The following WWC2 variants were observed in gnomAD, a reference collection of about 807,000 sequenced individuals.
The protein encoded by WWC2 is WW and C2 domain containing 2, also known as protein WWC2.
A neutral mutation model predicts 138.5 loss-of-function variants in WWC2; 101 were observed. That is an observed-to-expected ratio of 0.73 (90% CI 0.62 to 0.86). The LOEUF (loss-of-function observed/expected upper bound fraction) is 0.86. Among genes scored for constraint, WWC2 ranks in the 40% least tolerant of loss-of-function variants. The pLI is 0.00. For synonymous variants in WWC2, 558 were observed against 538.4 expected, an observed-to-expected ratio of 1.04 and a Z score of -0.50; for missense variants, 1,420 against 1,419.4, an observed-to-expected ratio of 1.00 and a Z score of -0.01.
intron 16 of WWC2, among the ~76,000 whole-genome samples, chr4:183,278,636 T>G (rs1369342743): frequency 1.3e-5 from 2 of 152,122 alleles, no homozygotes; most frequent in Non-Finnish European, 2.9e-5. Flanking sequence ...CATTTGTTTG[T>G]ATCCTCTTTT....
intron 1 of WWC2, among the ~76,000 whole-genome samples, chr4:183,162,190 T>C (rs1279441580): frequency 1.5e-3 from 6 of 4,036 alleles, no homozygotes; most frequent in African/African-American, 1.7e-3. Context: ...ACTACCCGAT[T>C]AGTTTTTTTT....
Position 183,282,812 on chromosome 4 carries a change from C to T in WWC2, c.2789C>T (p.Thr930Ile), listed in dbSNP as rs376069435. The T allele has an allele frequency of 2.8e-5, 44 of 1,588,760 alleles. No homozygotes were observed. In the African/African-American group the frequency reaches 4.3e-4, roughly 15 times the overall value. The change falls in exon 18 of 23, where the codon ACT (threonine) becomes ATT (isoleucine). Residue 930 changes from threonine to isoleucine, a missense_variant. Physicochemically the swap from Thr to Ile is moderately conservative, Grantham distance 89 (BLOSUM62 -1). Transcript: ENST00000403733. ...SSCTEDLSSC[T>I]SVPEMNEDGN... ...TGTACAGAAGATTTAAGTTCATGCA[C>T]TAGTGTGCCTGAGATGAATGAAGAC... is the stretch of plus-strand genomic sequence containing the variant.
At chr4:183,269,695 T>A (rs1737636483) in intron 15 of WWC2, 2 of 353,462 alleles carry the variant, frequency 5.7e-6, no homozygotes, top group South Asian at 4.3e-5. Flanking sequence ...CTGTTACAAA[T>A]TAAAATTAAG....
intron 9 of WWC2, among the ~76,000 whole-genome samples, chr4:183,256,959 C>T (rs1047975699): frequency 7.5e-5 from 11 of 147,490 alleles, no homozygotes; most frequent in African/African-American, 2.3e-4. Flanking sequence ...CTGATGGCAG[C>T]GACTGTGCTC....
At chr4:183,305,547 A>T (rs1640106191) in intron 21 of WWC2, among the ~76,000 whole-genome samples, 1 of 152,180 alleles carries the variant, frequency 6.6e-6, no homozygotes, top group Non-Finnish European at 1.5e-5. Flanking sequence ...GAGAACAAAG[A>T]CAAGTATTAT....
At chr4:183,221,415 T>C (rs1735933538) in intron 4 of WWC2, among the ~76,000 whole-genome samples, 1 of 152,192 alleles carries the variant, frequency 6.6e-6, no homozygotes, top group South Asian at 2.1e-4. Flanking sequence ...CAGACCAACT[T>C]GATCCAATTA....
chr4:183,282,220 G>T (rs1324605470), intron 17 of WWC2, among the ~76,000 whole-genome samples: 1 of 152,164 alleles, frequency 6.6e-6, no homozygotes, highest in Non-Finnish European at 1.5e-5. Flanking sequence ...TGTTAAAAAT[G>T]AGCCTTCTGC....
chr4:183,100,015 G>A (rs1286347423), intron 1 of WWC2, among the ~76,000 whole-genome samples: 1 of 152,248 alleles, frequency 6.6e-6, no homozygotes, highest in Non-Finnish European at 1.5e-5. Context: ...CTGCCAGTTG[G>A]GGAACGAGCC....
Position 183,319,618 on chromosome 4 carries a change from C to T in WWC2, c.*3889C>T. The T allele has an allele frequency of 6.2e-7, 1 of 1,614,094 alleles. No individual in the cohort carries two copies. Among genetic ancestry groups the T allele is most frequent in the Non-Finnish European group, 8.5e-7 (1 of 1,179,982 alleles). ...TGATGATGATCTTGTGTTTGTGCCA[C>T]TGCGTAGTGGCCCGAAGCTAGGGGA... On this transcript the variant is annotated 3_prime_UTR_variant, in exon 23 of 23. Coordinates refer to ENST00000403733, the MANE Select transcript of WWC2 (RefSeq NM_024949.6).
intron 2 of WWC2, among the ~76,000 whole-genome samples, chr4:183,206,623 A>G (rs1308925231): frequency 1.3e-5 from 2 of 152,104 alleles, no homozygotes; most frequent in African/African-American, 4.8e-5. Flanking sequence ...CATCCAGGAA[A>G]CCTCTTTTAT....
At chr4:183,156,457 A>G (rs967863094) in intron 1 of WWC2, among the ~76,000 whole-genome samples, 2 of 150,550 alleles carry the variant, frequency 1.3e-5, no homozygotes, top group East Asian at 3.9e-4. Flanking sequence ...TCAGCCTCCC[A>G]AGTAGCTGGG....
chr4:183,130,912 C>G (rs1327815744), intron 1 of WWC2, among the ~76,000 whole-genome samples: 3 of 152,344 alleles, frequency 2.0e-5, no homozygotes, highest in South Asian at 4.1e-4. Context: ...AGTACTTTCA[C>G]AGCAACATCT....
At chr4:183,243,884 T>C (rs1736691966) in intron 5 of WWC2, among the ~76,000 whole-genome samples, 1 of 151,992 alleles carries the variant, frequency 6.6e-6, no homozygotes, top group African/African-American at 2.4e-5. Flanking sequence ...CTTGAAGTCT[T>C]TAATTGCTTG....
intron 1 of WWC2, among the ~76,000 whole-genome samples, chr4:183,147,384 T>A (rs1733492071): frequency 6.6e-6 from 1 of 152,224 alleles, no homozygotes; most frequent in African/African-American, 2.4e-5. Context: ...GCCAAATCCT[T>A]ATTGTAACTC....
chr4:183,269,361 G>A (rs1034194146), intron 15 of WWC2, 198 bp downstream of exon 15: 22 of 722,910 alleles, frequency 3.0e-5, no homozygotes, highest in Non-Finnish European at 5.1e-5. Context: ...TTTAAAATCT[G>A]CTTATAAATT....
At chr4:183,256,702 G>GTA (rs954428127) in intron 9 of WWC2, among the ~76,000 whole-genome samples, 26 of 152,016 alleles carry the variant, frequency 1.7e-4, no homozygotes, top group African/African-American at 6.0e-4. Flanking sequence ...TTTCTTCTTG[G>GTA]TACCTACATG....
chr4:183,312,427 G>A lies in WWC2; in HGVS notation c.3471G>A (p.Arg1157=). ...TCTCCAAGGACGTGTGTCGGCTCCG[G>A]GAGCAGAGCCAGAAGGTGCCTCGGC... ...RQVSKDVCRL[R]EQSQKVPRQV... Residue 1157 remains arginine, a synonymous_variant, in exon 22 of 23, where the codon CGG becomes CGA. Coordinates refer to ENST00000403733, the MANE Select transcript of WWC2 (RefSeq NM_024949.6). 1 of 1,613,884 alleles carries A rather than the reference G, an allele frequency of 6.2e-7. No individual in the cohort carries two copies. The highest frequency in any genetic ancestry group is 8.5e-7 in the Non-Finnish European group (1 of 1,179,790).
In WWC2 at chr4:183,282,810, C is replaced by G. The variant is rs74554938; in HGVS notation, c.2787C>G (p.Cys929Trp). 5 of 1,588,118 alleles carry G rather than the reference C, an allele frequency of 3.1e-6. 1 individual carries two copies. The South Asian group carries it at 5.8e-5, about 18-fold the overall frequency. Residue 929 changes from cysteine to tryptophan, a missense_variant, in exon 18 of 23, where the codon TGC (cysteine) becomes TGG (tryptophan). Cys to Trp is a radical substitution (Grantham distance 215). Transcript: ENST00000403733. ...DSSCTEDLSS[C>W]TSVPEMNEDG... ...GCTGTACAGAAGATTTAAGTTCATG[C>G]ACTAGTGTGCCTGAGATGAATGAAG... is the stretch of plus-strand genomic sequence containing the variant.
At chr4:183,161,967 C>T (rs1387344011) in intron 1 of WWC2, among the ~76,000 whole-genome samples, 1 of 152,122 alleles carries the variant, frequency 6.6e-6, no homozygotes, top group East Asian at 1.9e-4. Context: ...GATTTTTCAG[C>T]ATAAATGAGG....
Sources: gnomAD v4.1 joint callset for allele counts (sites outside exome capture counted in the v4.1 genomes callset) on GRCh38, gnomAD v4.1.1 for gene constraint, MANE v1.5 for transcripts, NCBI Gene and HGNC (gene_info 2026-07-23, HGNC 2026-07-21) for gene names.